TRAPPC9: variants seen among roughly 807,000 people sequenced by gnomAD.
TRAPPC9 encodes trafficking protein particle complex subunit 9, also known as IKK2 binding protein.
In TRAPPC9, 83 loss-of-function variants were observed where a neutral mutation model predicts 124.0. The ratio of observed to expected loss-of-function variants is 0.67; its 90% CI spans 0.56 to 0.80. TRAPPC9 has a LOEUF of 0.80. TRAPPC9 is among the 30% of genes least tolerant of loss of function. The probability of loss-of-function intolerance (pLI) is 0.00; values close to 1 mark genes in which losing one functional copy is unlikely to be tolerated. For missense variants in TRAPPC9, 1,302 were observed against 1,508.3 expected (o/e 0.86, Z 2.27); for synonymous variants, 638 against 617.5 (o/e 1.03, Z -0.49).
intron 17 of TRAPPC9, among the ~76,000 whole-genome samples, chr8:140,057,658 T>C (rs973172469): frequency 1.3e-5 from 2 of 152,184 alleles, no homozygotes; most frequent in African/African-American, 2.4e-5. Flanking sequence ...GGAAGTCACA[T>C]GGTGGTTTCT....
intron 2 of TRAPPC9, among the ~76,000 whole-genome samples, chr8:140,449,240 C>T (rs2071375429): frequency 6.6e-6 from 1 of 152,220 alleles, no homozygotes; most frequent in South Asian, 2.1e-4. Context: ...TTGCAGCAGG[C>T]ACTATGGTGG....
chr8:139,865,873 A>G (rs1287104444), intron 21 of TRAPPC9, among the ~76,000 whole-genome samples: 1 of 152,202 alleles, frequency 6.6e-6, no homozygotes, highest in Non-Finnish European at 1.5e-5. Flanking sequence ...AGCCCTCAGG[A>G]GGTCCTGAGA....
intron 21 of TRAPPC9, among the ~76,000 whole-genome samples, chr8:139,869,784 T>C (rs527513894): frequency 6.6e-6 from 1 of 152,286 alleles, no homozygotes; most frequent in African/African-American, 2.4e-5. Flanking sequence ...GTAATTACCA[T>C]AGGAAGTTTT....
intron 17 of TRAPPC9, among the ~76,000 whole-genome samples, chr8:140,060,861 G>A (rs1842567341): frequency 2.0e-5 from 3 of 152,246 alleles, no homozygotes; most frequent in African/African-American, 7.2e-5. Context: ...TGTGCTCTTA[G>A]AGATCTTAGG....
At chr8:140,269,213 A>C (rs1347701718) in intron 15 of TRAPPC9, among the ~76,000 whole-genome samples, 2 of 151,184 alleles carry the variant, frequency 1.3e-5, no homozygotes. Context: ...ATATACTGAA[A>C]ACTGCAACTT....
chr8:139,983,139 T>C (rs1488944275), intron 19 of TRAPPC9, among the ~76,000 whole-genome samples: 1 of 152,048 alleles, frequency 6.6e-6, no homozygotes, highest in East Asian at 1.9e-4. Flanking sequence ...GAAAAACCCT[T>C]TGCCCCTCCC....
At chr8:140,011,826 T>C (rs968066675) in intron 18 of TRAPPC9, among the ~76,000 whole-genome samples, 12 of 151,918 alleles carry the variant, frequency 7.9e-5, no homozygotes, top group Admixed American at 5.9e-4. Context: ...TACAGGTGCC[T>C]GCCATCTCAC....
chr8:140,208,095 T>C (rs2062969949), intron 17 of TRAPPC9, among the ~76,000 whole-genome samples: 1 of 150,802 alleles, frequency 6.6e-6, no homozygotes, highest in Non-Finnish European at 1.5e-5. Flanking sequence ...GGTTGCAGTG[T>C]GCCGAGATCG....
intron 17 of TRAPPC9, among the ~76,000 whole-genome samples, chr8:140,169,720 G>A (rs903076860): frequency 5.3e-5 from 8 of 152,198 alleles, no homozygotes; most frequent in African/African-American, 1.9e-4. Flanking sequence ...AAAATCTATA[G>A]AGACAGAATG....
chr8:140,364,878 A>T (rs1050552950), intron 8 of TRAPPC9, among the ~76,000 whole-genome samples: 4 of 151,868 alleles, frequency 2.6e-5, no homozygotes, highest in Non-Finnish European at 4.4e-5. Context: ...GGCCACTCTT[A>T]GCCTTTTAAA....
chr8:140,188,570 T>C (rs181219507), intron 17 of TRAPPC9, among the ~76,000 whole-genome samples: 2 of 152,322 alleles, frequency 1.3e-5, no homozygotes, highest in East Asian at 1.9e-4. Context: ...AACTCTGACC[T>C]TGATGGCACA....
rs145069885 is a variant in TRAPPC9, at chr8:139,851,591, T to C, written c.3055+34288A>G. ...TGGTCTCCAGAGGAAGCAGAGCAAG[T>C]GGGATAGCACTAACACGAGAACACA... On this transcript the variant is annotated intron_variant, in intron 21 of 22. Coordinates refer to ENST00000438773, the MANE Select transcript of TRAPPC9 (RefSeq NM_001160372.4). Among the ~76,000 whole-genome samples, 445 of 152,008 alleles carry C rather than the reference T, an allele frequency of 2.9e-3. 5 individuals are homozygous for C. Among genetic ancestry groups the C allele is most frequent in the African/African-American group, 8.9e-3 (369 of 41,424 alleles).
chr8:140,323,661 T>C (rs1476787941), intron 9 of TRAPPC9, among the ~76,000 whole-genome samples: 1 of 152,150 alleles, frequency 6.6e-6, no homozygotes, highest in East Asian at 1.9e-4. Flanking sequence ...GGTTGTCATG[T>C]TGAGAGAACA....
intron 17 of TRAPPC9, among the ~76,000 whole-genome samples, chr8:140,088,815 T>C (rs1277508716): frequency 6.6e-6 from 1 of 152,220 alleles, no homozygotes; most frequent in African/African-American, 2.4e-5. Flanking sequence ...TTCTCTGATA[T>C]GCTAACGTAA....
chr8:139,975,597 TAA>T (rs1005236447), intron 19 of TRAPPC9, among the ~76,000 whole-genome samples: 5 of 152,146 alleles, frequency 3.3e-5, no homozygotes, highest in African/African-American at 1.2e-4. Context: ...TTAAAAAATA[TAA>T]AGATCAATTT....
chr8:140,157,609 C>A (rs1478312238), intron 17 of TRAPPC9, among the ~76,000 whole-genome samples: 1 of 152,214 alleles, frequency 6.6e-6, no homozygotes, highest in Non-Finnish European at 1.5e-5. Context: ...AAATCCAACT[C>A]ATTTTCAATG....
chr8:140,359,162 C>T (rs952203597), intron 9 of TRAPPC9, among the ~76,000 whole-genome samples: 1 of 152,198 alleles, frequency 6.6e-6, no homozygotes, highest in Non-Finnish European at 1.5e-5. Context: ...CCATATAGCA[C>T]TGAGGCCCAG....
At chr8:139,792,413 CGCGTGTGT>C (rs1172536359) in intron 21 of TRAPPC9, among the ~76,000 whole-genome samples, 3 of 152,208 alleles carry the variant, frequency 2.0e-5, no homozygotes, top group Non-Finnish European at 4.4e-5. Flanking sequence ...CACGCGTGTG[CGCGTGTGT>C]GCGTGGGCCT....
chr8:139,855,147 A>G (rs750216210), intron 21 of TRAPPC9, among the ~76,000 whole-genome samples: 2 of 152,242 alleles, frequency 1.3e-5, no homozygotes, highest in Non-Finnish European at 2.9e-5. Context: ...TGTAACCCAG[A>G]GCTGGGCTGC....
Sources: allele counts gnomAD v4.1 joint callset (sites outside exome capture counted in the v4.1 genomes callset), GRCh38; gene constraint gnomAD v4.1.1; transcripts MANE v1.5; gene names NCBI Gene and HGNC (gene_info 2026-07-23, HGNC 2026-07-21).